TCF7L2: variants seen among roughly 807,000 people sequenced by gnomAD.
TCF7L2 encodes the protein transcription factor 7-like 2.
Under a neutral mutation model 77.9 loss-of-function variants are expected in TCF7L2, and 23 were observed. That is an observed-to-expected ratio of 0.30 (90% confidence interval 0.21 to 0.42). TCF7L2 has a LOEUF of 0.42. TCF7L2 is among the 10% of genes least tolerant of loss of function. The pLI, the probability that TCF7L2 is intolerant of heterozygous loss-of-function variation, is 1.00. For missense variants in TCF7L2, 654 were observed against 793.1 expected, an observed-to-expected ratio of 0.82 and a Z score of 2.11; for synonymous variants, 413 against 340.2, an observed-to-expected ratio of 1.21 and a Z score of -2.36.
At chr10:112,957,429 GA>G (rs905649248) in intron 3 of TCF7L2, among the ~76,000 whole-genome samples, 123 of 151,796 alleles carry the variant, frequency 8.1e-4, no homozygotes, top group African/African-American at 2.7e-3. Context: ...TAGGTGAGGG[GA>G]AAAAAAATCC....
At chr10:112,998,782 G>A (rs2043959344) in intron 4 of TCF7L2, among the ~76,000 whole-genome samples, 1 of 152,184 alleles carries the variant, frequency 6.6e-6, no homozygotes, top group South Asian at 2.1e-4. Flanking sequence ...AAACATTTTA[G>A]CTTTTTGTGT....
At chr10:113,070,266 A>ATAT (rs953072031) in intron 5 of TCF7L2, among the ~76,000 whole-genome samples, 144 of 96,436 alleles carry the variant, frequency 1.5e-3, no homozygotes, top group Non-Finnish European at 1.8e-3. Context: ...AAAAAAAAAA[A>ATAT]ATTTATATAT....
At position 113,165,986 on chromosome 10, in the gene TCF7L2, A is replaced by G. The variant is rs1459958193; in HGVS notation, c.*14A>G. 2 of 1,482,792 alleles carry G rather than the reference A, an allele frequency of 1.3e-6. No homozygotes were observed. Among genetic ancestry groups the G allele is most frequent in the African/African-American group, 1.4e-5 (1 of 71,006 alleles). The allele number at this position is 1,482,792 out of a possible 1,614,324, so 91.9% of individuals were successfully genotyped here. ...TCTTTAGAATAGCTTTAGCGTCGTG[A>G]ACCCCGCTGCTTTGTTTATGGTTTT... On this transcript the variant is annotated 3_prime_UTR_variant, in exon 14 of 14. Coordinates refer to ENST00000627217, the MANE Select transcript of TCF7L2 (RefSeq NM_001146274.2).
chr10:112,958,336 C>A (rs1041425602), intron 3 of TCF7L2, among the ~76,000 whole-genome samples: 1 of 152,070 alleles, frequency 6.6e-6, no homozygotes, highest in Non-Finnish European at 1.5e-5. Flanking sequence ...AAATTTGAGG[C>A]CTGGTAGGCA....
intron 4 of TCF7L2, among the ~76,000 whole-genome samples, chr10:113,013,547 G>C (rs998029190): frequency 1.3e-5 from 2 of 152,210 alleles, no homozygotes; most frequent in African/African-American, 2.4e-5. Flanking sequence ...TGAAGTGGGG[G>C]CTCATAGGTC....
intron 5 of TCF7L2, among the ~76,000 whole-genome samples, chr10:113,116,841 A>G (rs941579369): frequency 4.6e-5 from 7 of 152,234 alleles, no homozygotes; most frequent in African/African-American, 1.7e-4. Flanking sequence ...TTCTTGAAAG[A>G]AAATCATTAA....
At chr10:113,098,089 A>G (rs1383818958) in intron 5 of TCF7L2, among the ~76,000 whole-genome samples, 4 of 150,320 alleles carry the variant, frequency 2.7e-5, no homozygotes, top group Non-Finnish European at 5.9e-5. Context: ...AGAAGAAGAA[A>G]CACATGTCGT....
chr10:113,116,180 C>T (rs2063711954), intron 5 of TCF7L2, among the ~76,000 whole-genome samples: 1 of 152,068 alleles, frequency 6.6e-6, no homozygotes, highest in Admixed American at 6.6e-5. Flanking sequence ...TTAAATTTAT[C>T]ATTTTCTCCC....
At chr10:113,048,504 A>C (rs2053841345) in intron 5 of TCF7L2, among the ~76,000 whole-genome samples, 1 of 152,224 alleles carries the variant, frequency 6.6e-6, no homozygotes, top group Non-Finnish European at 1.5e-5. Context: ...GTGTGACTTC[A>C]TCATGACCTG....
chr10:113,108,647 A>G (rs774531376), intron 5 of TCF7L2, among the ~76,000 whole-genome samples: 11 of 152,112 alleles, frequency 7.2e-5, no homozygotes, highest in Non-Finnish European at 1.2e-4. Flanking sequence ...GGCTGGCAGC[A>G]CCGCGGGGCG....
intron 8 of TCF7L2, among the ~76,000 whole-genome samples, chr10:113,146,915 T>G (rs998138519): frequency 2.6e-5 from 4 of 152,088 alleles, no homozygotes; most frequent in African/African-American, 7.2e-5. Flanking sequence ...AAAAAACATG[T>G]GTGTGTGTGC....
At chr10:113,028,688 T>C (rs975354662) in intron 4 of TCF7L2, among the ~76,000 whole-genome samples, 1 of 152,232 alleles carries the variant, frequency 6.6e-6, no homozygotes, top group Non-Finnish European at 1.5e-5. Flanking sequence ...GCCAAGTCTT[T>C]CGTTGTCTTT....
intron 4 of TCF7L2, among the ~76,000 whole-genome samples, chr10:113,021,126 A>G (rs969689951): frequency 3.3e-5 from 5 of 152,236 alleles, no homozygotes; most frequent in Non-Finnish European, 7.3e-5. Context: ...TGCTTGGCAC[A>G]GGGGCACAGT....
intron 5 of TCF7L2, among the ~76,000 whole-genome samples, chr10:113,068,765 C>T (rs1325068931): frequency 1.3e-5 from 2 of 152,096 alleles, no homozygotes; most frequent in South Asian, 2.1e-4. Flanking sequence ...TCCGCAGGCC[C>T]CCTTGCTGTA....
chr10:113,013,921 C>G (rs2046890366), intron 4 of TCF7L2, among the ~76,000 whole-genome samples: 1 of 152,042 alleles, frequency 6.6e-6, no homozygotes, highest in Non-Finnish European at 1.5e-5. Flanking sequence ...GAGTTGTTAA[C>G]TTATTTTTTA....
At chr10:113,096,028 T>C (rs1353559440) in intron 5 of TCF7L2, among the ~76,000 whole-genome samples, 3 of 152,248 alleles carry the variant, frequency 2.0e-5, no homozygotes, top group African/African-American at 7.2e-5. Flanking sequence ...GCTCCTCCCC[T>C]TTTGTAATGC....
intron 5 of TCF7L2, among the ~76,000 whole-genome samples, chr10:113,091,943 G>A (rs1164668638): frequency 2.0e-5 from 3 of 152,172 alleles, no homozygotes; most frequent in Non-Finnish European, 4.4e-5. Context: ...CCTCTCACTG[G>A]TTCAGCTTTT....
rs749133960 is a variant in TCF7L2, at chr10:113,040,059, A to G, written c.485A>G (p.Gln162Arg). 1 of 1,613,976 alleles carries G rather than the reference A, an allele frequency of 6.2e-7. No homozygotes were observed. The highest frequency in any genetic ancestry group is 2.2e-5 in the East Asian group (1 of 44,864). The stretch of plus-strand genomic sequence containing the variant: ...ATGAAATGGCCACTGCTTGATGTCC[A>G]GGCAGGGAGCCTCCAGAGTAGACAA... The change falls in exon 5 of 14, where the codon CAG becomes CGG. Residue 162 changes from glutamine (Q) to arginine (R), a missense_variant. Physicochemically the swap from Gln to Arg is conservative, Grantham distance 43 (BLOSUM62 1). Around this residue, in one of 6 missense-constraint regions of TCF7L2, gnomAD observed 179 missense variants for 270.6 expected, o/e 0.66. Coordinates refer to ENST00000627217, the MANE Select transcript of TCF7L2 (RefSeq NM_001146274.2).
At chr10:112,956,255 C>G (rs1015322859) in intron 3 of TCF7L2, among the ~76,000 whole-genome samples, 1 of 151,614 alleles carries the variant, frequency 6.6e-6, no homozygotes, top group South Asian at 2.1e-4. Flanking sequence ...ATGAGACAAC[C>G]TGGATTTAGC....
Sources: allele counts gnomAD v4.1 joint callset (sites outside exome capture counted in the v4.1 genomes callset), GRCh38; gene constraint gnomAD v4.1.1; regional missense constraint gnomAD v4.1.1; transcripts MANE v1.5; gene names NCBI Gene and HGNC (gene_info 2026-07-23, HGNC 2026-07-21).